Variants in SDHC observed in about 807,000 individuals in gnomAD.
SDHC encodes succinate dehydrogenase cytochrome b560 subunit, mitochondrial.
Under a neutral mutation model 22.6 loss-of-function variants are expected in SDHC, and 11 were observed. The ratio of observed to expected loss-of-function variants is 0.49; its 90% CI spans 0.31 to 0.81. SDHC has a LOEUF of 0.81. SDHC is among the 30% of genes least tolerant of loss of function. The pLI, the probability that SDHC is intolerant of heterozygous loss-of-function variation, is 0.05. For missense variants in SDHC, 160 were observed against 212.0 expected (o/e 0.75, Z 1.52); for synonymous variants, 80 against 77.8 (o/e 1.03, Z -0.15).
intron 5 of SDHC, among the ~76,000 whole-genome samples, chr1:161,358,993 T>G (rs933682729): frequency 6.7e-6 from 1 of 149,942 alleles, no homozygotes; most frequent in Admixed American, 6.6e-5. Flanking sequence ...TAATCCCAGC[T>G]ACTTGGGAGG....
At chr1:161,331,831 G>A (rs1042229234) in intron 3 of SDHC, among the ~76,000 whole-genome samples, 3 of 151,988 alleles carry the variant, frequency 2.0e-5, no homozygotes, top group East Asian at 1.9e-4. Context: ...TCCTGACCTC[G>A]TGATCTGCCC....
At chr1:161,324,556 G>T (rs1019735488) in intron 2 of SDHC, among the ~76,000 whole-genome samples, 7 of 152,126 alleles carry the variant, frequency 4.6e-5, no homozygotes, top group African/African-American at 1.7e-4. Context: ...TTTGCCAACT[G>T]TTAACATTTT....
intron 3 of SDHC, among the ~76,000 whole-genome samples, chr1:161,332,401 T>G (rs1164260455): frequency 2.0e-5 from 3 of 152,162 alleles, no homozygotes; most frequent in Admixed American, 6.5e-5. Flanking sequence ...GGGACATAAT[T>G]CTGCTAAACT....
intron 1 of SDHC, among the ~76,000 whole-genome samples, chr1:161,321,937 T>TGATACAATGATGTGACTGAAG (rs1244545496): frequency 1.3e-5 from 2 of 152,186 alleles, no homozygotes; most frequent in African/African-American, 4.8e-5. Flanking sequence ...TGGAAAGATT[T>TGATACAATGATGTGACTGAAG]GATACAATGA....
At position 161,358,032 on chromosome 1, in the gene SDHC, C is replaced by CTTT. The variant is rs34253350; in HGVS notation, c.405+1212_405+1214dup. On this transcript the variant is annotated intron_variant, in intron 5 of 5. Transcript: ENST00000367975. ...AGGTTTCAATATTGAGGTTAGGAAT[C>CTTT]TTTTTTTTTTTTTTTTTTTTTTGAG... 1.2e-3 allele frequency among the ~76,000 whole-genome samples: 127 copies of CTTT among 104,830 alleles called. 2 individuals carry two copies. Among genetic ancestry groups the CTTT allele is most frequent in the Middle Eastern group, 5.7e-3 (1 of 176 alleles). The allele number at this position is 104,830 out of a possible 152,430, so 68.8% of individuals were successfully genotyped here.
Position 161,328,504 on chromosome 1 carries a change from AAGGATTCTGG to A in SDHC, c.179+10_179+19del, listed in dbSNP as rs2102308128. Reference sequence around the variant, plus strand: ...CCCACATTACTATCTACAGGTAAGGAAGGATTCTGGAGCCAGAGAATCTAGAGGTAGTGGG... The same window carrying A: ...CCCACATTACTATCTACAGGTAAGGAAGCCAGAGAATCTAGAGGTAGTGGG... On this transcript the variant is annotated splice_region_variant and intron_variant, in intron 3 of 5. Transcript: ENST00000367975. The A allele has an allele frequency of 6.3e-7, 1 of 1,577,940 alleles. No homozygotes were observed. The highest frequency in any genetic ancestry group is 8.7e-7 in the Non-Finnish European group (1 of 1,147,024).
intron 4 of SDHC, among the ~76,000 whole-genome samples, chr1:161,348,312 C>T (rs912049591): frequency 1.3e-5 from 2 of 151,630 alleles, no homozygotes; most frequent in African/African-American, 2.4e-5. Flanking sequence ...GCATGTGTCA[C>T]CATGCCTGGC....
At chr1:161,327,598 G>C (rs1470200830) in intron 2 of SDHC, among the ~76,000 whole-genome samples, 1 of 152,046 alleles carries the variant, frequency 6.6e-6, no homozygotes, top group Admixed American at 6.6e-5. Flanking sequence ...GTCTTGCTCT[G>C]TCTCCCAAGC....
intron 2 of SDHC, among the ~76,000 whole-genome samples, chr1:161,324,129 GTGTA>G (rs1670959090): frequency 6.6e-6 from 1 of 152,180 alleles, no homozygotes; most frequent in Non-Finnish European, 1.5e-5. Context: ...TATGGTTTGT[GTGTA>G]TGTGTGTTGT....
intron 5 of SDHC, among the ~76,000 whole-genome samples, chr1:161,359,626 C>G (rs1264243250): frequency 6.6e-6 from 1 of 152,200 alleles, no homozygotes; most frequent in Non-Finnish European, 1.5e-5. Context: ...TAGAGCTTTT[C>G]TGCCCTGGTT....
At chr1:161,347,379 G>A (rs1296309464) in intron 4 of SDHC, among the ~76,000 whole-genome samples, 6 of 151,820 alleles carry the variant, frequency 4.0e-5, no homozygotes, top group African/African-American at 1.2e-4. Flanking sequence ...TCAGCCTTCC[G>A]AGTAGCTGGG....
intron 3 of SDHC, among the ~76,000 whole-genome samples, chr1:161,328,969 G>A (rs1479320380): frequency 1.3e-5 from 2 of 151,950 alleles, no homozygotes; most frequent in Non-Finnish European, 1.5e-5. Flanking sequence ...GTGTAGTGGC[G>A]CGATCTCAGC....
Position 161,362,763 on chromosome 1 carries a change from G to A in SDHC, c.*330G>A. ...TCAGCTTTTGGCTCCTTCTTCCTGA[G>A]ACAGTGGAAACAATGCCAGCTCTGT... On this transcript the variant is annotated 3_prime_UTR_variant, in exon 6 of 6. Transcript: ENST00000367975. The A allele has an allele frequency of 2.0e-6, 1 of 508,334 alleles. No homozygotes were observed. The highest frequency in any genetic ancestry group is 3.5e-6 in the Non-Finnish European group (1 of 281,908). 31.5% of individuals were successfully genotyped at this position (508,334 alleles called of 1,614,324 possible).
intron 5 of SDHC, 74 bp downstream of exon 5, chr1:161,356,914 A>G (rs1672300386): frequency 2.1e-6 from 3 of 1,461,308 alleles, no homozygotes; most frequent in Non-Finnish European, 1.9e-6. Context: ...TTCCTTCATT[A>G]CTGGGTTTAG....
chr1:161,356,622 C>A, intron 4 of SDHC, 55 bp from the exon 5 acceptor site: 4 of 1,567,342 alleles, frequency 2.6e-6, no homozygotes, highest in South Asian at 1.1e-5. Flanking sequence ...TTTTATGTAT[C>A]ATATTAGTTG....
intron 5 of SDHC, among the ~76,000 whole-genome samples, chr1:161,358,649 G>A (rs941195366): frequency 6.6e-6 from 1 of 151,338 alleles, no homozygotes; most frequent in Non-Finnish European, 1.5e-5. Context: ...AAAAATAGGC[G>A]GGCACAGTGG....
chr1:161,355,986 A>C (rs1175941903), intron 4 of SDHC, among the ~76,000 whole-genome samples: 1 of 65,902 alleles, frequency 1.5e-5, no homozygotes, highest in African/African-American at 8.6e-5. Context: ...CTCTGTCTCA[A>C]AAAAAAAAAA....
At chr1:161,319,222 AAAATAAATAAAT>A (rs35327704) in intron 1 of SDHC, among the ~76,000 whole-genome samples, 3 of 150,762 alleles carry the variant, frequency 2.0e-5, no homozygotes, top group Non-Finnish European at 4.4e-5. Context: ...ACTCTGTCTT[AAAATAAATAAAT>A]AAATAAATAA....
At chr1:161,322,509 T>C (rs1037137577) in intron 1 of SDHC, among the ~76,000 whole-genome samples, 1 of 152,222 alleles carries the variant, frequency 6.6e-6, no homozygotes, top group African/African-American at 2.4e-5. Flanking sequence ...TAGCTTAATA[T>C]TTAGGATGCT....
Sources: allele counts gnomAD v4.1 joint callset (sites outside exome capture counted in the v4.1 genomes callset), GRCh38; gene constraint gnomAD v4.1.1; transcripts MANE v1.5; gene names NCBI Gene and HGNC (gene_info 2026-07-23, HGNC 2026-07-21).